Variants in MYOCOS observed in about 807,000 individuals in gnomAD.
MYOCOS encodes the protein myocilin opposite strand protein.
At chr1:171,624,971 C>CA (rs1316804433) in intron 2 of MYOCOS, among the ~76,000 whole-genome samples, 1 of 151,948 alleles carries the variant, frequency 6.6e-6, no homozygotes, top group Non-Finnish European at 1.5e-5. Context: ...AGAAGTTGGT[C>CA]AAAAAAATCA....
intron 1 of MYOCOS, among the ~76,000 whole-genome samples, chr1:171,607,858 G>C (rs1245804320): frequency 6.6e-6 from 1 of 152,196 alleles, no homozygotes; most frequent in Non-Finnish European, 1.5e-5. Flanking sequence ...TGCTAATAAA[G>C]ACATACCCAA....
At chr1:171,603,758 G>T (rs1041008281) in intron 1 of MYOCOS, among the ~76,000 whole-genome samples, 1 of 152,234 alleles carries the variant, frequency 6.6e-6, no homozygotes, top group Non-Finnish European at 1.5e-5. Flanking sequence ...CCTGGCCAAG[G>T]CCAGTGGCCT....
At chr1:171,620,041 A>G (rs549183102), upstream of MYOCOS, among the ~76,000 whole-genome samples, 7 of 148,652 alleles carry the variant, frequency 4.7e-5, no homozygotes, top group African/African-American at 1.7e-4. Flanking sequence ...TGATCATGTG[A>G]GTTAATATTT....
At chr1:171,621,656 T>C (rs979013148), upstream of MYOCOS, among the ~76,000 whole-genome samples, 2 of 152,194 alleles carry the variant, frequency 1.3e-5, no homozygotes, top group African/African-American at 2.4e-5. Flanking sequence ...ATTGCAGGCA[T>C]GAGCCACCGC....
intron 1 of MYOCOS, among the ~76,000 whole-genome samples, chr1:171,605,667 G>T (rs145195621): frequency 6.6e-6 from 1 of 151,834 alleles, no homozygotes; most frequent in Non-Finnish European, 1.5e-5. Flanking sequence ...TATGCTTCCC[G>T]CGGAAAACGA....
At chr1:171,625,200 C>T (rs1360166570) in intron 2 of MYOCOS, among the ~76,000 whole-genome samples, 2 of 152,154 alleles carry the variant, frequency 1.3e-5, no homozygotes, top group Non-Finnish European at 2.9e-5. Context: ...GCATTGTCTG[C>T]AGGAAGTGTG....
At chr1:171,613,438 G>A (rs1652387842) in intron 1 of MYOCOS, among the ~76,000 whole-genome samples, 2 of 152,200 alleles carry the variant, frequency 1.3e-5, no homozygotes, top group African/African-American at 4.8e-5. Context: ...GAGGATCTGG[G>A]TTTTGAGGTT....
intron 1 of MYOCOS, among the ~76,000 whole-genome samples, chr1:171,607,411 A>G (rs1427017715): frequency 6.6e-6 from 1 of 152,154 alleles, no homozygotes; most frequent in Non-Finnish European, 1.5e-5. Flanking sequence ...TCCCACTTCA[A>G]ATTATGCTGA....
intron 1 of MYOCOS, among the ~76,000 whole-genome samples, chr1:171,623,020 T>G (rs972792261): frequency 2.0e-5 from 3 of 152,078 alleles, no homozygotes; most frequent in African/African-American, 7.2e-5. Context: ...CTTGAGCTCA[T>G]GAGTTTGAGA....
At chr1:171,613,859 C>G (rs1000153683) in intron 1 of MYOCOS, among the ~76,000 whole-genome samples, 1 of 149,606 alleles carries the variant, frequency 6.7e-6, no homozygotes, top group African/African-American at 2.6e-5. Context: ...TCAGCTTTTA[C>G]TGCCCTTTGG....
At chr1:171,603,653 C>T (rs1021693221) in intron 1 of MYOCOS, among the ~76,000 whole-genome samples, 11 of 152,356 alleles carry the variant, frequency 7.2e-5, no homozygotes, top group Admixed American at 3.3e-4. Context: ...TGTCGGCCCC[C>T]GCCATGAGGC....
upstream of MYOCOS, among the ~76,000 whole-genome samples, chr1:171,617,911 A>G (rs1652479873): frequency 6.6e-6 from 1 of 152,206 alleles, no homozygotes; most frequent in Non-Finnish European, 1.5e-5. Flanking sequence ...AAGAGTGCCA[A>G]TAGTTCATCT....
exon 1 of MYOCOS, chr1:171,600,949 G>A (rs1378486852): frequency 1.3e-5 from 2 of 152,228 alleles, no homozygotes; most frequent in African/African-American, 4.8e-5. Context: ...ACCGGGAAAC[G>A]AGGCAGACAA....
chr1:171,609,924 C>A (rs1330385197), intron 1 of MYOCOS, among the ~76,000 whole-genome samples: 2 of 152,218 alleles, frequency 1.3e-5, no homozygotes, highest in Non-Finnish European at 1.5e-5. Context: ...ACTGCAGTCG[C>A]ATTGTAAGGC....
At chr1:171,612,553 T>C (rs557457105) in intron 1 of MYOCOS, among the ~76,000 whole-genome samples, 3 of 151,728 alleles carry the variant, frequency 2.0e-5, no homozygotes, top group South Asian at 2.1e-4. Context: ...TGTCCAGGCA[T>C]GGTGGCTCAT....
At chr1:171,623,382 G>A (rs981420636) in intron 1 of MYOCOS, among the ~76,000 whole-genome samples, 4 of 152,122 alleles carry the variant, frequency 2.6e-5, no homozygotes, top group Non-Finnish European at 4.4e-5. Flanking sequence ...TCTTTAAGGG[G>A]TAAGTGTTCC....
intron 1 of MYOCOS, among the ~76,000 whole-genome samples, chr1:171,613,748 A>AT (rs1460148202): frequency 6.6e-6 from 1 of 152,002 alleles, no homozygotes; most frequent in East Asian, 1.9e-4. Flanking sequence ...GGGTCTCACT[A>AT]TGTTGCCCCG....
At chr1:171,609,321 G>A (rs1652312339) in intron 1 of MYOCOS, among the ~76,000 whole-genome samples, 1 of 152,222 alleles carries the variant, frequency 6.6e-6, no homozygotes, top group African/African-American at 2.4e-5. Context: ...CTTGAGACTA[G>A]AGTCAAGTAT....
intron 2 of MYOCOS, among the ~76,000 whole-genome samples, chr1:171,624,214 G>GT (rs1652642855): frequency 6.6e-6 from 1 of 152,172 alleles, no homozygotes; most frequent in Non-Finnish European, 1.5e-5. Context: ...CACTGCGTGG[G>GT]TGGTCGTGGC....
Sources: gnomAD v4.1 joint callset for allele counts (sites outside exome capture counted in the v4.1 genomes callset) on GRCh38, gnomAD v4.1.1 for gene constraint, MANE v1.5 for transcripts, NCBI Gene and HGNC (gene_info 2026-07-23, HGNC 2026-07-21) for gene names.